Variants in CD86 observed in about 807,000 individuals in gnomAD.
CD86 encodes CD86 molecule.
Under a neutral mutation model 32.1 loss-of-function variants are expected in CD86, and 11 were observed. That is an observed-to-expected ratio of 0.34 (90% CI 0.22 to 0.57). The LOEUF (loss-of-function observed/expected upper bound fraction) is 0.57, where lower values mean the gene tolerates loss of function less well. Ranked by LOEUF, CD86 falls within the 20% of genes least tolerant of loss-of-function variation. The probability of loss-of-function intolerance (pLI) is 0.86; values close to 1 mark genes in which losing one functional copy is unlikely to be tolerated. For synonymous variants in CD86, 137 were observed against 135.3 expected, an observed-to-expected ratio of 1.01 and a Z score of -0.09; for missense variants, 359 against 398.4, an observed-to-expected ratio of 0.90 and a Z score of 0.84.
At chr3:122,097,743 G>A (rs983272045) in intron 2 of CD86, among the ~76,000 whole-genome samples, 2 of 152,092 alleles carry the variant, frequency 1.3e-5, no homozygotes, top group Non-Finnish European at 2.9e-5. Flanking sequence ...AGGGCTAGGA[G>A]TGGAAAAAAT....
intron 2 of CD86, among the ~76,000 whole-genome samples, chr3:122,095,716 T>A (rs775509852): frequency 6.6e-6 from 1 of 152,146 alleles, no homozygotes; most frequent in African/African-American, 2.4e-5. Flanking sequence ...GATTCACCCC[T>A]TTATGTTAAG....
At chr3:122,101,880 C>T (rs1421724380) in intron 2 of CD86, among the ~76,000 whole-genome samples, 1 of 152,022 alleles carries the variant, frequency 6.6e-6, no homozygotes, top group South Asian at 2.1e-4. Flanking sequence ...TGTCAGGGTA[C>T]GCATATAGAT....
At chr3:122,081,141 A>G (rs2072628630) in intron 1 of CD86, among the ~76,000 whole-genome samples, 1 of 152,166 alleles carries the variant, frequency 6.6e-6, no homozygotes, top group African/African-American at 2.4e-5. Context: ...ATGCCCTATT[A>G]GGCTATCTTG....
At chr3:122,081,135 C>T (rs2072628583) in intron 1 of CD86, among the ~76,000 whole-genome samples, 1 of 152,112 alleles carries the variant, frequency 6.6e-6, no homozygotes, top group African/African-American at 2.4e-5. Flanking sequence ...CTTTCCATGC[C>T]CTATTAGGCT....
chr3:122,118,124 G>C lies in CD86; in HGVS notation c.893+31G>C, dbSNP rs562651636. On this transcript the variant is annotated intron_variant, in intron 6 of 6. Transcript: ENST00000330540. ...TCCTGACCCTGAGACATTGATGAGA[G>C]AGAGGTATAATCCCCAGAGTGCCTG... 2,858 of 1,580,784 alleles carry C rather than the reference G, an allele frequency of 1.8e-3. 12 individuals carry two copies. Among genetic ancestry groups the C allele is most frequent in the Non-Finnish European group, 2.1e-3 (2,423 of 1,150,526 alleles).
intron 1 of CD86, among the ~76,000 whole-genome samples, chr3:122,057,299 G>C (rs916602244): frequency 6.6e-6 from 1 of 152,096 alleles, no homozygotes; most frequent in African/African-American, 2.4e-5. Context: ...TTTAGTGATG[G>C]ATATTTTTCT....
At chr3:122,099,605 GT>G (rs1263455138) in intron 2 of CD86, among the ~76,000 whole-genome samples, 8 of 152,160 alleles carry the variant, frequency 5.3e-5, no homozygotes, top group Non-Finnish European at 1.0e-4. Context: ...AAAGTAGAGT[GT>G]CCCCAGGGTA....
intron 1 of CD86, among the ~76,000 whole-genome samples, chr3:122,086,251 AT>A (rs2072717395): frequency 6.6e-6 from 1 of 152,086 alleles, no homozygotes; most frequent in South Asian, 2.1e-4. Context: ...ACTTCTCAGC[AT>A]TTTTCCTGAT....
chr3:122,079,809 C>T (rs775396642), intron 1 of CD86, among the ~76,000 whole-genome samples: 1 of 152,208 alleles, frequency 6.6e-6, no homozygotes, highest in African/African-American at 2.4e-5. Context: ...GAGACCTCAA[C>T]ACCGGGAAGC....
intron 1 of CD86, among the ~76,000 whole-genome samples, chr3:122,082,902 A>G (rs970803665): frequency 3.3e-5 from 5 of 152,256 alleles, no homozygotes; most frequent in Non-Finnish European, 5.9e-5. Context: ...AGTGAAACAC[A>G]GAGTCTTGTA....
At chr3:122,103,920 T>C in intron 3 of CD86, 73 bp downstream of exon 3, 1 of 1,287,802 alleles carries the variant, frequency 7.8e-7, no homozygotes, top group South Asian at 1.4e-5. Context: ...AGAAAAACAC[T>C]GGAGGGGGAC....
intron 1 of CD86, among the ~76,000 whole-genome samples, chr3:122,058,271 C>G (rs1053135577): frequency 6.6e-6 from 1 of 152,122 alleles, no homozygotes; most frequent in Non-Finnish European, 1.5e-5. Flanking sequence ...GCAGGACAAC[C>G]CCAAGTTGTG....
rs2073183816 is a variant in CD86, at chr3:122,112,173, G to A, written c.847+2765G>A. Among the ~76,000 whole-genome samples the A allele has an allele frequency of 2.0e-5, 3 of 152,164 alleles. No individual in the cohort carries two copies. The South Asian group carries it at 6.2e-4, about 32-fold the overall frequency. ...TTCCTCATTTGGGTCTTGTGTGACT[G>A]AAATCTGTATACAATGCCCTAGCAA... On this transcript the variant is annotated intron_variant, in intron 5 of 6. Coordinates refer to ENST00000330540, the MANE Select transcript of CD86 (RefSeq NM_175862.5).
At chr3:122,118,148 T>A in intron 6 of CD86, 55 bp downstream of exon 6, 2 of 1,451,466 alleles carry the variant, frequency 1.4e-6, no homozygotes, top group East Asian at 4.6e-5. Context: ...CCAGAGTGCC[T>A]GTTACTTGAA....
At chr3:122,085,682 G>A (rs1484756708) in intron 1 of CD86, among the ~76,000 whole-genome samples, 1 of 152,224 alleles carries the variant, frequency 6.6e-6, no homozygotes, top group African/African-American at 2.4e-5. Flanking sequence ...GATGAGGGGA[G>A]GTGGGGTGGC....
At chr3:122,094,956 C>T (rs948209568) in intron 2 of CD86, among the ~76,000 whole-genome samples, 6 of 152,214 alleles carry the variant, frequency 3.9e-5, no homozygotes, top group Non-Finnish European at 8.8e-5. Flanking sequence ...GTCCTGGCAC[C>T]TCCATCACAC....
At chr3:122,095,864 A>G (rs1042515522) in intron 2 of CD86, among the ~76,000 whole-genome samples, 4 of 152,176 alleles carry the variant, frequency 2.6e-5, no homozygotes, top group African/African-American at 9.7e-5. Flanking sequence ...GATTTAGTGG[A>G]AGACAGTCAC....
intron 1 of CD86, chr3:122,078,100 C>T (rs2072580283): frequency 1.0e-6 from 1 of 967,456 alleles, no homozygotes; most frequent in Non-Finnish European, 1.2e-6. Flanking sequence ...AAGCTGCAAG[C>T]TGCATCTGGG....
chr3:122,080,301 A>C (rs2072613314), intron 1 of CD86, among the ~76,000 whole-genome samples: 1 of 152,152 alleles, frequency 6.6e-6, no homozygotes, highest in South Asian at 2.1e-4. Context: ...AAAAGGAAAA[A>C]AAATCGTTCT....
Sources: allele counts gnomAD v4.1 joint callset (sites outside exome capture counted in the v4.1 genomes callset), GRCh38; gene constraint gnomAD v4.1.1; transcripts MANE v1.5; gene names NCBI Gene and HGNC (gene_info 2026-07-23, HGNC 2026-07-21).